PHLPP1: variants seen among roughly 807,000 people sequenced by gnomAD.
PHLPP1 encodes the protein PH domain leucine-rich repeat-containing protein phosphatase 1.
Under a neutral mutation model 117.2 loss-of-function variants are expected in PHLPP1, and 42 were observed. The observed-to-expected ratio is 0.36, with a 90% CI of 0.28 to 0.46. The LOEUF (loss-of-function observed/expected upper bound fraction) is 0.46. Among genes scored for constraint, PHLPP1 ranks in the 20% least tolerant of loss-of-function variants. The probability of loss-of-function intolerance (pLI) is 1.00; values close to 1 mark genes in which losing one functional copy is unlikely to be tolerated. For missense variants in PHLPP1, 2,084 were observed against 2,241.9 expected, an observed-to-expected ratio of 0.93 and a Z score of 1.42; for synonymous variants, 1,042 against 970.7, an observed-to-expected ratio of 1.07 and a Z score of -1.37.
chr18:62,961,441 A>G (rs1384662935), intron 13 of PHLPP1, among the ~76,000 whole-genome samples: 1 of 152,190 alleles, frequency 6.6e-6, no homozygotes, highest in Non-Finnish European at 1.5e-5. Context: ...GGGGGCAGTT[A>G]AGAGTTATTT....
intron 1 of PHLPP1, among the ~76,000 whole-genome samples, chr18:62,795,485 T>TC (rs1367755090): frequency 1.9e-5 from 2 of 102,816 alleles, no homozygotes; most frequent in East Asian, 6.1e-4. Flanking sequence ...AGAGTGAGAC[T>TC]CCATCTCAAA....
At position 62,979,396 on chromosome 18, in the gene PHLPP1, G is replaced by GACCAGCTGC. The variant is rs1911310159; in HGVS notation, c.5120_5128dup (p.Leu1709_Pro1710insHisGlnLeu). 6.4e-7 allele frequency: 1 copy of GACCAGCTGC among 1,551,400 alleles called. No individual in the cohort carries two copies. Among genetic ancestry groups the GACCAGCTGC allele is most frequent in the African/African-American group, 1.4e-5 (1 of 73,038 alleles). ...GCAGCTGCCGCGGCACTACCAGCTG[G>GACCAGCTGC]ACCAGCTGCCAGATTATTACGACAC... On this transcript the variant is annotated inframe_insertion, in exon 17 of 17. Transcript: ENST00000262719.
intron 1 of PHLPP1, among the ~76,000 whole-genome samples, chr18:62,766,076 A>AAAAAAAAAAAAAAATATATAT: frequency 9.2e-5 from 2 of 21,648 alleles, no homozygotes; most frequent in African/African-American, 1.5e-4. Flanking sequence ...AAAAAAAAAA[A>AAAAAAAAAAAAAAATATATAT]ATATATATAT....
chr18:62,944,044 G>A (rs1462069034), intron 11 of PHLPP1, among the ~76,000 whole-genome samples: 1 of 151,796 alleles, frequency 6.6e-6, no homozygotes, highest in Admixed American at 6.6e-5. Context: ...ATATTTGAAA[G>A]ATGACAAAAA....
At chr18:62,922,407 G>A (rs1015303229) in intron 10 of PHLPP1, among the ~76,000 whole-genome samples, 3 of 152,136 alleles carry the variant, frequency 2.0e-5, no homozygotes, top group African/African-American at 7.2e-5. Flanking sequence ...AAAGTGCTGG[G>A]GTTACAGGCA....
At chr18:62,945,077 C>A in intron 11 of PHLPP1, 32 bp from the exon 12 acceptor site, 2 of 1,476,140 alleles carry the variant, frequency 1.4e-6, no homozygotes, top group South Asian at 2.7e-5. Flanking sequence ...ATATTATTTT[C>A]TTTTAAATTG....
intron 12 of PHLPP1, 90 bp downstream of exon 12, chr18:62,945,361 G>T: frequency 5.4e-6 from 6 of 1,113,254 alleles, no homozygotes; most frequent in South Asian, 1.8e-5. Context: ...TTGCATCTTT[G>T]TTGGATTTAT....
intron 4 of PHLPP1, among the ~76,000 whole-genome samples, chr18:62,882,167 C>T (rs1040156219): frequency 6.6e-6 from 1 of 152,064 alleles, no homozygotes; most frequent in Admixed American, 6.6e-5. Flanking sequence ...GACAAACTTA[C>T]CAAGCCAAAG....
intron 1 of PHLPP1, among the ~76,000 whole-genome samples, chr18:62,796,633 G>T (rs1913637794): frequency 6.6e-6 from 1 of 152,192 alleles, no homozygotes; most frequent in African/African-American, 2.4e-5. Flanking sequence ...AGAGTTGAAG[G>T]TTATTAGAAT....
At chr18:62,821,528 G>A (rs1164039496) in intron 1 of PHLPP1, among the ~76,000 whole-genome samples, 4 of 114,696 alleles carry the variant, frequency 3.5e-5, no homozygotes, top group Non-Finnish European at 6.6e-5. Context: ...CAGCCTGGGT[G>A]ACAGAGTGAG....
At chr18:62,849,824 A>ATATAT (rs1450269021) in intron 3 of PHLPP1, among the ~76,000 whole-genome samples, 5 of 44,760 alleles carry the variant, frequency 1.1e-4, no homozygotes, top group African/African-American at 3.8e-4. Context: ...AAAAAAAAAA[A>ATATAT]AAAAAAAAAT....
At chr18:62,838,975 T>C in intron 3 of PHLPP1, 66 bp downstream of exon 3, 2 of 1,555,950 alleles carry the variant, frequency 1.3e-6, no homozygotes, top group Non-Finnish European at 1.8e-6. Context: ...CTTTCTGCTT[T>C]AGCTGGGTCT....
At chr18:62,828,034 G>A (rs1337711133) in intron 1 of PHLPP1, among the ~76,000 whole-genome samples, 1 of 151,948 alleles carries the variant, frequency 6.6e-6, no homozygotes, top group African/African-American at 2.4e-5. Flanking sequence ...GTGTGTGTGT[G>A]TGTGTGTGTG....
intron 1 of PHLPP1, among the ~76,000 whole-genome samples, chr18:62,791,028 G>A (rs905605574): frequency 6.6e-6 from 1 of 152,162 alleles, no homozygotes; most frequent in African/African-American, 2.4e-5. Flanking sequence ...GAGTTGAGGA[G>A]CTGGCGACAG....
chr18:62,753,357 G>A (rs1911917098), intron 1 of PHLPP1, among the ~76,000 whole-genome samples: 1 of 152,156 alleles, frequency 6.6e-6, no homozygotes, highest in African/African-American at 2.4e-5. Context: ...CACTTAAGAA[G>A]ACTTTTACAA....
At chr18:62,916,639 T>G (rs1016799149) in intron 9 of PHLPP1, among the ~76,000 whole-genome samples, 1 of 151,060 alleles carries the variant, frequency 6.6e-6, no homozygotes, top group African/African-American at 2.4e-5. Context: ...TGTCCATGCA[T>G]GACCCTTTTA....
At position 62,903,062 on chromosome 18, in the gene PHLPP1, C is replaced by G. The variant is rs1568156423; in HGVS notation, c.2543C>G (p.Ala848Gly). 6.2e-7 allele frequency: 1 copy of G among 1,612,646 alleles called. No homozygotes were observed. Among genetic ancestry groups the G allele is most frequent in the East Asian group, 2.2e-5 (1 of 44,862 alleles). Residue 848 changes from alanine (A) to glycine (G), a missense_variant, in exon 7 of 17, where the codon GCT becomes GGT. This residue lies in a region of PHLPP1 where 1,365 missense variants were observed against 1,605.9 expected (regional missense o/e 0.85). Coordinates refer to ENST00000262719, the MANE Select transcript of PHLPP1 (RefSeq NM_194449.4). ...GACAATAAGCTTGGTGATCTAGATGCTATGATTTTCAACAACATTGAAGTT... is the reference window on the plus strand; with the variant it reads ...GACAATAAGCTTGGTGATCTAGATGGTATGATTTTCAACAACATTGAAGTT... Reference protein sequence around the residue: ...LRDNKLGDLDAMIFNNIEVLH... With the variant: ...LRDNKLGDLDGMIFNNIEVLH...
intron 6 of PHLPP1, among the ~76,000 whole-genome samples, chr18:62,900,479 TG>T (rs1266028906): frequency 5.0e-4 from 72 of 142,856 alleles, no homozygotes; most frequent in Middle Eastern, 3.6e-3. Context: ...GGTCTCACTT[TG>T]TTACCCAAGC....
intron 3 of PHLPP1, among the ~76,000 whole-genome samples, chr18:62,855,797 A>G (rs1214129200): frequency 6.6e-6 from 1 of 152,136 alleles, no homozygotes; most frequent in Non-Finnish European, 1.5e-5. Context: ...CTTCATTTGA[A>G]ATGGAATTTG....
Sources: allele counts gnomAD v4.1 joint callset (sites outside exome capture counted in the v4.1 genomes callset), GRCh38; gene constraint gnomAD v4.1.1; regional missense constraint gnomAD v4.1.1; transcripts MANE v1.5; gene names NCBI Gene and HGNC (gene_info 2026-07-23, HGNC 2026-07-21).